The following SNRPA variants were observed in gnomAD, a reference collection of about 807,000 sequenced individuals.
SNRPA encodes small nuclear ribonucleoprotein polypeptide A, also known as U1 small nuclear ribonucleoprotein A.
Under a neutral mutation model 24.5 loss-of-function variants are expected in SNRPA, and 10 were observed. The observed-to-expected ratio is 0.41, with a 90% CI of 0.25 to 0.69. The LOEUF (loss-of-function observed/expected upper bound fraction) is 0.69. Among genes scored for constraint, SNRPA ranks in the 30% least tolerant of loss-of-function variants. The pLI is 0.33. For synonymous variants in SNRPA, 165 were observed against 148.4 expected, an observed-to-expected ratio of 1.11 and a Z score of -0.81; for missense variants, 283 against 394.7, an observed-to-expected ratio of 0.72 and a Z score of 2.40.
At chr19:40,753,553 C>T (rs538066998) in intron 1 of SNRPA, among the ~76,000 whole-genome samples, 5 of 150,234 alleles carry the variant, frequency 3.3e-5, no homozygotes, top group Non-Finnish European at 5.9e-5. Flanking sequence ...CCCGCCACCA[C>T]GCCTGGCTAA....
chr19:40,763,404 C>T, intron 4 of SNRPA, 183 bp from the exon 5 acceptor site: 3 of 642,262 alleles, frequency 4.7e-6, no homozygotes, highest in Middle Eastern at 2.6e-4. Context: ...TGTCCTGTGG[C>T]CTATAGTCTG....
rs1369394518 is a variant in SNRPA, at chr19:40,757,395, C to G, written c.137C>G (p.Ser46Ter). The change falls in exon 2 of 6, where the codon TCA (serine) becomes TGA (stop). Residue 46 changes from serine (S) to a stop codon, truncating the protein, a stop_gained. Transcript: ENST00000243563. LOFTEE classifies it high-confidence loss of function. ...QFGQILDILV[S>*]RSLKMRGQAF... is the part of the protein sequence containing the mutation. ...GGCCAGATCCTGGATATCCTGGTAT[C>G]ACGGAGCCTGAAGATGAGGGGCCAG... 6.2e-7 allele frequency: 1 copy of G among 1,614,130 alleles called. No homozygotes were observed. The highest frequency in any genetic ancestry group is 1.7e-5 in the Admixed American group (1 of 60,012).
chr19:40,755,267 T>C lies in SNRPA; in HGVS notation c.74-2065T>C, dbSNP rs555175206. On this transcript the variant is annotated intron_variant, in intron 1 of 5. Coordinates refer to ENST00000243563, the MANE Select transcript of SNRPA (RefSeq NM_004596.5). Reference sequence around the variant, plus strand: ...AATTTTTTTTCTTTTCTTTTTTTTTTTTTTTTTTTTTTTTGGCATTTTTAG... The same window carrying C: ...AATTTTTTTTCTTTTCTTTTTTTTTCTTTTTTTTTTTTTTGGCATTTTTAG... Among the ~76,000 whole-genome samples, 73 of 147,124 alleles carry C rather than the reference T, an allele frequency of 5.0e-4. 2 individuals are homozygous for C. Among genetic ancestry groups the C allele is most frequent in the Admixed American group, 4.9e-3 (73 of 14,882 alleles).
intron 1 of SNRPA, 142 bp from the exon 2 acceptor site, chr19:40,757,190 G>A (rs2082912009): frequency 5.6e-6 from 4 of 719,972 alleles, no homozygotes; most frequent in Non-Finnish European, 9.2e-6. Flanking sequence ...GTGGTTCCTG[G>A]CTGCTTCTGT....
intron 3 of SNRPA, among the ~76,000 whole-genome samples, chr19:40,761,270 T>C (rs532080577): frequency 6.6e-6 from 1 of 152,148 alleles, no homozygotes; most frequent in African/African-American, 2.4e-5. Context: ...GAGGTACCAC[T>C]GCACTTCACT....
At chr19:40,752,969 G>A (rs569255100) in intron 1 of SNRPA, among the ~76,000 whole-genome samples, 1 of 152,296 alleles carries the variant, frequency 6.6e-6, no homozygotes, top group African/African-American at 2.4e-5. Context: ...CTGGATAAAT[G>A]TTAGCTCTTA....
intron 1 of SNRPA, among the ~76,000 whole-genome samples, chr19:40,752,556 G>A (rs887621176): frequency 7.7e-6 from 1 of 130,258 alleles, no homozygotes; most frequent in Non-Finnish European, 1.6e-5. Flanking sequence ...CAGCCTAGGC[G>A]ACAAAGCCAG....
In SNRPA at chr19:40,763,039, C is replaced by G. The variant is rs753022671; in HGVS notation, c.565C>G (p.Gln189Glu). ...QIPPGAMPPQ[Q>E]LMPGQMPPAQ... is the part of the protein sequence containing the mutation. Reference sequence around the variant, plus strand: ...CCCACCAGGGGCCATGCCCCCGCAGCAGCTTATGCCAGGACAGATGCCCCC... The same window carrying G: ...CCCACCAGGGGCCATGCCCCCGCAGGAGCTTATGCCAGGACAGATGCCCCC... Residue 189 changes from glutamine to glutamate, a missense_variant, in exon 4 of 6, where the codon CAG becomes GAG. By Grantham distance (29) the Gln-to-Glu change is conservative. Coordinates refer to ENST00000243563, the MANE Select transcript of SNRPA (RefSeq NM_004596.5). 2.9e-5 allele frequency: 47 copies of G among 1,600,134 alleles called. No homozygotes were observed. Among genetic ancestry groups the G allele is most frequent in the Non-Finnish European group, 3.8e-5 (45 of 1,173,034 alleles).
chr19:40,764,968 G>A (rs1172287597), intron 5 of SNRPA, 40 bp from the exon 6 acceptor site: 2 of 1,495,034 alleles, frequency 1.3e-6, no homozygotes, highest in Non-Finnish European at 1.8e-6. Context: ...TTACGTTAGG[G>A]GGAAATGCTG....
Position 40,764,997 on chromosome 19 carries a change from TTC to T in SNRPA, c.690-7_690-6del. The T allele has an allele frequency of 1.3e-6, 2 of 1,550,284 alleles. No homozygotes were observed. The highest frequency in any genetic ancestry group is 1.7e-6 in the Non-Finnish European group (2 of 1,150,760). On this transcript the variant is annotated splice_polypyrimidine_tract_variant and intron_variant, in intron 5 of 5. Transcript: ENST00000243563. ...AATGCTGAGTCCCTGAGGTCTGTCG[TTC>T]TCTTTCAGGTTCCCTGGCTTCAAGG...
chr19:40,764,164 CGTG>C (rs1487395802), intron 5 of SNRPA, among the ~76,000 whole-genome samples: 1 of 151,970 alleles, frequency 6.6e-6, no homozygotes, highest in African/African-American at 2.4e-5. Flanking sequence ...TGAGTGAAGT[CGTG>C]GGTGTGGGTG....
At chr19:40,754,892 G>T (rs1199635619) in intron 1 of SNRPA, among the ~76,000 whole-genome samples, 4 of 152,156 alleles carry the variant, frequency 2.6e-5, no homozygotes, top group Non-Finnish European at 5.9e-5. Context: ...CGTGGAATGA[G>T]TGAAGTCTGA....
intron 1 of SNRPA, among the ~76,000 whole-genome samples, chr19:40,753,390 T>G (rs1014496326): frequency 2.1e-5 from 2 of 93,876 alleles, no homozygotes; most frequent in Non-Finnish European, 4.1e-5. Context: ...ATATGTTTTT[T>G]TTTTTTTTTT....
At chr19:40,751,989 T>C (rs2082873168) in intron 1 of SNRPA, among the ~76,000 whole-genome samples, 1 of 152,210 alleles carries the variant, frequency 6.6e-6, no homozygotes, top group Non-Finnish European at 1.5e-5. Context: ...TAACATTTAA[T>C]TCTCACAACA....
In SNRPA at chr19:40,763,032, C is replaced by G; in HGVS notation, c.558C>G (p.Pro186=). Reference sequence around the variant, plus strand: ...GCCAGATCCCACCAGGGGCCATGCCCCCGCAGCAGCTTATGCCAGGACAGA... The same window carrying G: ...GCCAGATCCCACCAGGGGCCATGCCGCCGCAGCAGCTTATGCCAGGACAGA... ...APGQIPPGAM[P]PQQLMPGQMP... Residue 186 remains proline, a synonymous_variant, in exon 4 of 6, where the codon CCC becomes CCG. Coordinates refer to ENST00000243563, the MANE Select transcript of SNRPA (RefSeq NM_004596.5). 1.9e-6 allele frequency: 3 copies of G among 1,604,702 alleles called. No homozygotes were observed. In the South Asian group the frequency reaches 3.3e-5, roughly 18 times the overall value.
At chr19:40,754,498 A>G (rs1403217959) in intron 1 of SNRPA, among the ~76,000 whole-genome samples, 4 of 152,118 alleles carry the variant, frequency 2.6e-5, no homozygotes, top group Non-Finnish European at 4.4e-5. Flanking sequence ...GGGAACTTAG[A>G]AAGACAGAGA....
Position 40,763,034 on chromosome 19 carries a change from C to T in SNRPA, c.560C>T (p.Pro187Leu), listed in dbSNP as rs1055371467. The part of the protein sequence containing the change: ...PGQIPPGAMP[P>L]QQLMPGQMPP... The stretch of plus-strand genomic sequence containing the variant: ...CAGATCCCACCAGGGGCCATGCCCC[C>T]GCAGCAGCTTATGCCAGGACAGATG... The change falls in exon 4 of 6, where the codon CCG (proline) becomes CTG (leucine). Residue 187 changes from proline (P) to leucine (L), a missense_variant. This residue lies in a region of SNRPA where 167 missense variants were observed against 174.3 expected (regional missense o/e 0.96). Transcript: ENST00000243563. 32 of 1,604,168 alleles carry T rather than the reference C, an allele frequency of 2.0e-5. No individual in the cohort carries two copies. Among genetic ancestry groups the T allele is most frequent in the Non-Finnish European group, 2.6e-5 (30 of 1,175,054 alleles).
Position 40,753,382 on chromosome 19 carries a change from ATGTTT to A in SNRPA, c.73+1903_73+1907del, listed in dbSNP as rs1337796697. On this transcript the variant is annotated intron_variant, in intron 1 of 5. Transcript: ENST00000243563. ...AAAATCAGGAGTGTAAATTTTGCATATGTTTTTTTTTTTTTTTTTTTTTTTTTTTT... is the reference window on the plus strand; with the variant it reads ...AAAATCAGGAGTGTAAATTTTGCATATTTTTTTTTTTTTTTTTTTTTTTTT... 2.6e-3 allele frequency among the ~76,000 whole-genome samples: 162 copies of A among 62,206 alleles called. 5 individuals are homozygous for A. Among genetic ancestry groups the A allele is most frequent in the African/African-American group, 8.7e-3 (159 of 18,300 alleles). The allele number at this position is 62,206 out of a possible 152,430, so 40.8% of individuals were successfully genotyped here. A position where few individuals can be genotyped will look rare whatever the true frequency, so the allele number is the denominator to read the frequency against.
chr19:40,764,802 T>C (rs995329408), intron 5 of SNRPA, among the ~76,000 whole-genome samples: 3 of 152,194 alleles, frequency 2.0e-5, no homozygotes, highest in African/African-American at 7.2e-5. Context: ...CATGGGTGTT[T>C]GTGTTTAAAT....
Sources: allele counts gnomAD v4.1 joint callset (sites outside exome capture counted in the v4.1 genomes callset), GRCh38; gene constraint gnomAD v4.1.1; regional missense constraint gnomAD v4.1.1; transcripts MANE v1.5; gene names NCBI Gene and HGNC (gene_info 2026-07-23, HGNC 2026-07-21).